Variants in ENPP1 observed in about 807,000 individuals in gnomAD.
ENPP1 encodes ectonucleotide pyrophosphatase/phosphodiesterase 1.
A neutral mutation model predicts 122.8 loss-of-function variants in ENPP1; 73 were observed. The observed-to-expected ratio is 0.59, with a 90% CI of 0.49 to 0.72. The LOEUF is 0.72. Among genes scored for constraint, ENPP1 ranks in the 30% least tolerant of loss-of-function variants. The pLI is 0.00. For synonymous variants in ENPP1, 367 were observed against 391.6 expected, an observed-to-expected ratio of 0.94 and a Z score of 0.74; for missense variants, 978 against 1,128.1, an observed-to-expected ratio of 0.87 and a Z score of 1.91.
chr6:131,864,495 C>A lies in ENPP1; in HGVS notation c.1026-11C>A. On this transcript the variant is annotated splice_polypyrimidine_tract_variant and intron_variant, in intron 9 of 24. Coordinates refer to ENST00000647893, the MANE Select transcript of ENPP1 (RefSeq NM_006208.3). Reference sequence around the variant, plus strand: ...CAGCCATCTTTTATTTTTGTTTGTTCTTCATTTTAGTTCAGTACCATTTGA... The same window carrying A: ...CAGCCATCTTTTATTTTTGTTTGTTATTCATTTTAGTTCAGTACCATTTGA... The A allele has an allele frequency of 6.3e-7, 1 of 1,580,022 alleles. No individual in the cohort carries two copies.
At chr6:131,879,857 T>C in intron 19 of ENPP1, 23 bp from the exon 20 acceptor site, 1 of 1,607,538 alleles carries the variant, frequency 6.2e-7, no homozygotes, top group East Asian at 2.2e-5. Context: ...CTAACTACAT[T>C]TATTTTCATC....
chr6:131,873,642 A>G (rs896476285), intron 15 of ENPP1, among the ~76,000 whole-genome samples: 30 of 151,972 alleles, frequency 2.0e-4, no homozygotes, highest in African/African-American at 6.5e-4. Context: ...AATTATTTGG[A>G]TGGTTAATAG....
At chr6:131,828,045 C>T (rs1781566527) in intron 1 of ENPP1, 1 of 665,694 alleles carries the variant, frequency 1.5e-6, no homozygotes, top group African/African-American at 1.8e-5. Context: ...TGCAAGAGCA[C>T]CAGGTAGGGG....
At chr6:131,855,202 G>A (rs1214613870) in intron 6 of ENPP1, among the ~76,000 whole-genome samples, 179 bp downstream of exon 6, 1 of 152,086 alleles carries the variant, frequency 6.6e-6, no homozygotes, top group African/African-American at 2.4e-5. Flanking sequence ...CTCTGAAGCT[G>A]CCCTTCAAAA....
rs1782515492 is a variant in ENPP1 at position 131,894,297 on chromosome 6, T to TTG, written c.*3787_*3788insGT. The TTG allele has an allele frequency of 6.6e-6, 1 of 151,054 alleles. No homozygotes were observed. The highest frequency in any genetic ancestry group is 2.4e-5 in the African/African-American group (1 of 40,836). 9.4% of individuals were successfully genotyped at this position (151,054 alleles called of 1,614,324 possible). A position where few individuals can be genotyped will look rare whatever the true frequency, so the allele number is the denominator to read the frequency against. ...CATGCCTCACATCAGTCCTTTTTTT[T>TTG]TTTTTTGAGACAGAGTCTCGCTCTG... On this transcript the variant is annotated 3_prime_UTR_variant, in exon 25 of 25. Coordinates refer to ENST00000647893, the MANE Select transcript of ENPP1 (RefSeq NM_006208.3).
At chr6:131,869,854 T>TAAAA (rs757712283) in intron 13 of ENPP1, among the ~76,000 whole-genome samples, 1 of 99,048 alleles carries the variant, frequency 1.0e-5, no homozygotes, top group Non-Finnish European at 2.1e-5. Context: ...AGACTTGGTC[T>TAAAA]AAAAAAAAAA....
In ENPP1 at chr6:131,847,856, G is replaced by GGTGT. The variant is rs59956343; in HGVS notation, c.313+43_313+46dup. ...CAAGCTGTGCCAAAGAAGGTAATTAGGTGTGTGTGTGTGTGTGTGTGTGTG... is the reference window on the plus strand; with the variant it reads ...CAAGCTGTGCCAAAGAAGGTAATTAGGTGTGTGTGTGTGTGTGTGTGTGTGTGTG... On this transcript the variant is annotated intron_variant, in intron 2 of 24. Coordinates refer to ENST00000647893, the MANE Select transcript of ENPP1 (RefSeq NM_006208.3). The GGTGT allele has an allele frequency of 0.03, 34,700 of 1,174,790 alleles. 212 individuals are homozygous for GGTGT. Among genetic ancestry groups the GGTGT allele is most frequent in the South Asian group, 0.053 (3,969 of 74,254 alleles). 72.8% of individuals were successfully genotyped at this position (1,174,790 alleles called of 1,614,324 possible). A position where few individuals can be genotyped will look rare whatever the true frequency, so the allele number is the denominator to read the frequency against.
At chr6:131,820,086 A>G in intron 1 of ENPP1, 1 of 481,626 alleles carries the variant, frequency 2.1e-6, no homozygotes, top group Non-Finnish European at 3.9e-6. Flanking sequence ...TTGCGATGTA[A>G]ACCATCTTGC....
intron 1 of ENPP1, among the ~76,000 whole-genome samples, chr6:131,817,657 A>G (rs1265089033): frequency 1.3e-5 from 2 of 151,926 alleles, no homozygotes; most frequent in Non-Finnish European, 2.9e-5. Flanking sequence ...ACTTGAGGCC[A>G]TAATTTAAGA....
intron 1 of ENPP1, among the ~76,000 whole-genome samples, chr6:131,831,711 A>G (rs1781616737): frequency 6.6e-6 from 1 of 152,182 alleles, no homozygotes. Flanking sequence ...TTCTTAACTC[A>G]TCATTTCAAG....
At position 131,872,585 on chromosome 6, in the gene ENPP1, G is replaced by A. The variant is rs898849169; in HGVS notation, c.1438-338G>A. On this transcript the variant is annotated intron_variant, in intron 14 of 24. Transcript: ENST00000647893. ...ATGTTTGAAAATAGAACCATTAGTG[G>A]TAACTTGAATATAATCTAGTGACAC... Among the ~76,000 whole-genome samples, 7 of 152,176 alleles carry A rather than the reference G, an allele frequency of 4.6e-5. No homozygotes were observed. In the South Asian group the frequency reaches 1.5e-3, roughly 32 times the overall value.
At chr6:131,882,310 G>C (rs1404466384) in intron 20 of ENPP1, 35 bp from the exon 21 acceptor site, 1 of 1,563,770 alleles carries the variant, frequency 6.4e-7, no homozygotes, top group Admixed American at 1.7e-5. Context: ...CTCTGTGCCT[G>C]ATATCTGAGA....
chr6:131,883,840 A>G, intron 22 of ENPP1, 66 bp downstream of exon 22: 1 of 822,562 alleles, frequency 1.2e-6, no homozygotes, highest in African/African-American at 1.7e-5. Flanking sequence ...CATAATTCAT[A>G]TGTAATAGGA....
At chr6:131,821,315 C>T (rs896141005) in intron 1 of ENPP1, among the ~76,000 whole-genome samples, 9 of 152,194 alleles carry the variant, frequency 5.9e-5, no homozygotes, top group Admixed American at 5.9e-4. Flanking sequence ...AATTAACCCT[C>T]GCTGTGCCAC....
chr6:131,854,080 T>C (rs889414084), intron 5 of ENPP1, among the ~76,000 whole-genome samples: 10 of 152,176 alleles, frequency 6.6e-5, no homozygotes, highest in Non-Finnish European at 1.5e-4. Context: ...TAAGTATTTA[T>C]ATCTTTTAAA....
At chr6:131,811,406 C>CTATATCTA in intron 1 of ENPP1, among the ~76,000 whole-genome samples, 1 of 142,542 alleles carries the variant, frequency 7.0e-6, no homozygotes, top group Non-Finnish European at 1.5e-5. Context: ...ATATCTATAT[C>CTATATCTA]TATATCTATA....
rs1407410318 is a variant in ENPP1 at position 131,861,685 on chromosome 6, A to G, written c.1006A>G (p.Ile336Val). Reference protein sequence around the residue: ...DVEINGIFPDIYKMYNGSVPF... With the variant: ...DVEINGIFPDVYKMYNGSVPF... ...GGAAATTAACGGAATTTTCCCAGAC[A>G]TCTATAAAATGTATAATGGGTATGT... is the stretch of plus-strand genomic sequence containing the variant. The change falls in exon 9 of 25, where the codon ATC (isoleucine) becomes GTC (valine). Residue 336 changes from isoleucine (I) to valine (V), a missense_variant. Transcript: ENST00000647893. The G allele has an allele frequency of 6.2e-7, 1 of 1,605,784 alleles. No individual in the cohort carries two copies. The highest frequency in any genetic ancestry group is 8.5e-7 in the Non-Finnish European group (1 of 1,172,360).
chr6:131,834,847 C>T (rs1781656196), intron 1 of ENPP1, among the ~76,000 whole-genome samples: 1 of 151,956 alleles, frequency 6.6e-6, no homozygotes, highest in Non-Finnish European at 1.5e-5. Context: ...GCGTGAGCCA[C>T]CGCGCCCAGC....
At chr6:131,813,253 C>T (rs969619755) in intron 1 of ENPP1, among the ~76,000 whole-genome samples, 4 of 151,842 alleles carry the variant, frequency 2.6e-5, no homozygotes, top group Non-Finnish European at 4.4e-5. Context: ...CCTGTAATCC[C>T]AGCACTTTGG....
Sources: gnomAD v4.1 joint callset for allele counts (sites outside exome capture counted in the v4.1 genomes callset) on GRCh38, gnomAD v4.1.1 for gene constraint, MANE v1.5 for transcripts, NCBI Gene and HGNC (gene_info 2026-07-23, HGNC 2026-07-21) for gene names.